Variants in TTC34 observed in about 807,000 individuals in gnomAD.
TTC34 encodes tetratricopeptide repeat protein 34.
Under a neutral mutation model 40.7 loss-of-function variants are expected in TTC34, and 44 were observed. The ratio of observed to expected loss-of-function variants is 1.08; its 90% confidence interval spans 0.85 to 1.39. The LOEUF is 1.39. Among genes scored for constraint, TTC34 ranks in the 40% most tolerant of loss-of-function variants. The probability of loss-of-function intolerance (pLI) is 0.00; values close to 1 mark genes in which losing one functional copy is unlikely to be tolerated. For missense variants in TTC34, 884 were observed against 838.0 expected, an observed-to-expected ratio of 1.05 and a Z score of -0.68; for synonymous variants, 422 against 398.6, an observed-to-expected ratio of 1.06 and a Z score of -0.70.
intron 2 of TTC34, among the ~76,000 whole-genome samples, chr1:2,793,169 A>T (rs1415449896): frequency 1.3e-5 from 2 of 152,168 alleles, no homozygotes; most frequent in African/African-American, 2.4e-5. Flanking sequence ...ATGACTAGTG[A>T]GGTTTACTTA....
chr1:2,687,434 C>T (rs1640415082), intron 6 of TTC34, among the ~76,000 whole-genome samples: 1 of 150,254 alleles, frequency 6.7e-6, no homozygotes, highest in Non-Finnish European at 1.5e-5. Flanking sequence ...TGGTCTGGAG[C>T]AGCACCCACA....
At chr1:2,800,012 C>G (rs1367982694) in intron 2 of TTC34, 32 bp downstream of exon 2, 1 of 398,610 alleles carries the variant, frequency 2.5e-6, no homozygotes, top group East Asian at 3.6e-5. Context: ...AGCTTTCACC[C>G]TGGCTCTGCA....
chr1:2,646,080 G>C (rs969387118), intron 6 of TTC34, among the ~76,000 whole-genome samples: 4 of 152,176 alleles, frequency 2.6e-5, no homozygotes, highest in Non-Finnish European at 5.9e-5. Context: ...ACTCCCAGAA[G>C]CAGTGGAAGG....
At chr1:2,791,333 A>G (rs984590543) in intron 2 of TTC34, among the ~76,000 whole-genome samples, 1 of 152,128 alleles carries the variant, frequency 6.6e-6, no homozygotes, top group Non-Finnish European at 1.5e-5. Flanking sequence ...CAGGGGAGGG[A>G]CGTTCTGAGG....
At chr1:2,643,657 G>C (rs4075560) in intron 8 of TTC34, among the ~76,000 whole-genome samples, 3,716 of 152,318 alleles carry the variant, frequency 0.024, 69 homozygotes, top group East Asian at 0.086. Flanking sequence ...CAGCTCGGGG[G>C]GGGCAGCGGC....
intron 6 of TTC34, among the ~76,000 whole-genome samples, chr1:2,695,799 C>G (rs1351592699): frequency 2.0e-3 from 266 of 132,164 alleles, no homozygotes; most frequent in South Asian, 4.1e-3. Context: ...CGCACACCCC[C>G]AGTTGAGCAT....
At chr1:2,683,475 C>G (rs946115618) in intron 6 of TTC34, among the ~76,000 whole-genome samples, 1 of 145,004 alleles carries the variant, frequency 6.9e-6, no homozygotes, top group African/African-American at 2.6e-5. Context: ...ACCCACACCA[C>G]CAGGCGAGCA....
intron 6 of TTC34, among the ~76,000 whole-genome samples, chr1:2,777,810 T>G: frequency 6.6e-6 from 1 of 152,182 alleles, no homozygotes; most frequent in South Asian, 2.1e-4. Context: ...CCTGGCTGAC[T>G]TTCCCTGCCT....
chr1:2,767,836 A>G (rs573055835), intron 6 of TTC34, among the ~76,000 whole-genome samples: 1 of 150,088 alleles, frequency 6.7e-6, no homozygotes, highest in African/African-American at 2.4e-5. Flanking sequence ...AGCCTGGAGC[A>G]GCACCCACAC....
At chr1:2,752,493 GCCA>G (rs1641355504) in intron 6 of TTC34, among the ~76,000 whole-genome samples, 33 of 64,158 alleles carry the variant, frequency 5.1e-4, no homozygotes, top group African/African-American at 9.3e-4. Flanking sequence ...CACCCACACA[GCCA>G]GGTGAGCATC....
chr1:2,694,716 G>T lies in TTC34; in HGVS notation c.2227-49153C>A, dbSNP rs1640779630. Among the ~76,000 whole-genome samples the T allele has an allele frequency of 3.7e-5, 3 of 80,690 alleles. 1 individual carries two copies. The highest frequency in any genetic ancestry group is 1.2e-4 in the African/African-American group (3 of 24,888). The allele number at this position is 80,690 out of a possible 152,430, so 52.9% of individuals were successfully genotyped here. A position where few individuals can be genotyped will look rare whatever the true frequency, so the allele number is the denominator to read the frequency against. On this transcript the variant is annotated intron_variant, in intron 6 of 8. Coordinates refer to ENST00000401095, the Ensembl canonical transcript of TTC34. ...CCCTGGAGCAGCACCCACAACCACAGGTGAGCATCTGACATCGTGGAGCAG... is the reference window on the plus strand; with the variant it reads ...CCCTGGAGCAGCACCCACAACCACATGTGAGCATCTGACATCGTGGAGCAG...
intron 6 of TTC34, among the ~76,000 whole-genome samples, chr1:2,759,897 G>T (rs1641637975): frequency 6.8e-6 from 1 of 146,044 alleles, no homozygotes; most frequent in Admixed American, 6.7e-5. Flanking sequence ...GTGAGCATCT[G>T]ACAGCCTGGA....
At chr1:2,698,680 A>C (rs1640981893) in intron 6 of TTC34, among the ~76,000 whole-genome samples, 1 of 95,832 alleles carries the variant, frequency 1.0e-5, no homozygotes. Context: ...CTGGAACAGC[A>C]CCCACACCCC....
At chr1:2,771,619 T>C (rs1642168461) in intron 6 of TTC34, among the ~76,000 whole-genome samples, 1 of 62,206 alleles carries the variant, frequency 1.6e-5, no homozygotes, top group Non-Finnish European at 2.7e-5. Flanking sequence ...AGTGAGCAGG[T>C]GACAGCCTGG....
At chr1:2,697,563 C>A (rs4648685) in intron 6 of TTC34, among the ~76,000 whole-genome samples, 4,663 of 131,080 alleles carry the variant, frequency 0.036, 8 homozygotes, top group Non-Finnish European at 0.061. Context: ...ACCGCACCCA[C>A]ACCCCCAGGT....
intron 6 of TTC34, among the ~76,000 whole-genome samples, chr1:2,687,812 G>T (rs1223550992): frequency 7.1e-6 from 1 of 141,184 alleles, no homozygotes; most frequent in African/African-American, 2.8e-5. Flanking sequence ...CACACCTCCA[G>T]GTGAGCATCT....
At chr1:2,675,594 C>A (rs1349825189) in intron 6 of TTC34, among the ~76,000 whole-genome samples, 40 of 146,118 alleles carry the variant, frequency 2.7e-4, no homozygotes, top group Non-Finnish European at 1.5e-5. Flanking sequence ...CCTGGAACGG[C>A]ACCCACAACC....
At chr1:2,677,032 C>G (rs1639931225) in intron 6 of TTC34, among the ~76,000 whole-genome samples, 2 of 91,804 alleles carry the variant, frequency 2.2e-5, no homozygotes, top group African/African-American at 7.5e-5. Context: ...ATCCGATAAC[C>G]TGGAGCAGCA....
intron 6 of TTC34, among the ~76,000 whole-genome samples, chr1:2,755,979 C>G (rs1481890253): frequency 0.01 from 808 of 79,472 alleles, 264 homozygotes; most frequent in Admixed American, 0.079. Flanking sequence ...GGAACAGCAC[C>G]CTGCAACCCA....
Sources: gnomAD v4.1 joint callset for allele counts (sites outside exome capture counted in the v4.1 genomes callset) on GRCh38, gnomAD v4.1.1 for gene constraint, MANE v1.5 for transcripts, NCBI Gene and HGNC (gene_info 2026-07-23, HGNC 2026-07-21) for gene names.